The following SUMO3 variants were observed in gnomAD, a reference collection of about 807,000 sequenced individuals.
The protein encoded by SUMO3 is small ubiquitin like modifier 3, also known as small ubiquitin-related modifier 3.
A neutral mutation model predicts 11.1 loss-of-function variants in SUMO3; 2 were observed. The observed-to-expected ratio is 0.18, with a 90% CI of 0.07 to 0.57. SUMO3 has a LOEUF of 0.57. Ranked by LOEUF, SUMO3 falls within the 20% of genes least tolerant of loss-of-function variation. SUMO3 has a pLI of 0.92. For synonymous variants in SUMO3, 56 were observed against 53.5 expected, an observed-to-expected ratio of 1.05 and a Z score of -0.20; for missense variants, 70 against 132.8, an observed-to-expected ratio of 0.53 and a Z score of 2.32.
intron 2 of SUMO3, among the ~76,000 whole-genome samples, chr21:44,809,500 C>T (rs1291084893): frequency 1.3e-5 from 2 of 152,198 alleles, no homozygotes; most frequent in Non-Finnish European, 2.9e-5. Flanking sequence ...AGTTCAGTTT[C>T]AAAGCAGATA....
In SUMO3 at chr21:44,811,415, T is replaced by TA. The variant is rs2083211894; in HGVS notation, c.151-2298dup. On this transcript the variant is annotated intron_variant, in intron 2 of 3. Transcript: ENST00000332859. The surrounding 1 kb of genome is among the most constrained non-coding windows in gnomAD (Gnocchi z 5.0). ...ATAAGGAGACCCCATCTCCACAAAA[T>TA]AAAAAAATGAGCCAGGCGTGGTGGC... is the stretch of plus-strand genomic sequence containing the variant. 1.3e-5 allele frequency among the ~76,000 whole-genome samples: 2 copies of TA among 151,438 alleles called. No individual in the cohort carries two copies. The highest frequency in any genetic ancestry group is 2.4e-5 in the African/African-American group (1 of 41,146).
At chr21:44,808,511 T>C in intron 3 of SUMO3, 2 of 1,439,640 alleles carry the variant, frequency 1.4e-6, no homozygotes, top group East Asian at 2.8e-5. Flanking sequence ...CGAGACTCCG[T>C]CTCAAAAAAA....
At chr21:44,817,018 G>A (rs1483986799) in intron 1 of SUMO3, among the ~76,000 whole-genome samples, 1 of 134,490 alleles carries the variant, frequency 7.4e-6, no homozygotes, top group African/African-American at 2.9e-5. Flanking sequence ...TGGGGGACGC[G>A]ACGGGGAGGG....
intron 1 of SUMO3, among the ~76,000 whole-genome samples, chr21:44,815,470 C>T (rs1035625633): frequency 5.3e-5 from 8 of 152,188 alleles, no homozygotes; most frequent in Admixed American, 2.0e-4. Flanking sequence ...AGTGGCTTGG[C>T]GGCAGCCTGA....
In SUMO3 at chr21:44,805,817, A is replaced by G. The variant is rs2083172686; in HGVS notation, c.*1134T>C. 6.6e-6 allele frequency: 1 copy of G among 152,670 alleles called. No individual in the cohort carries two copies. Among genetic ancestry groups the G allele is most frequent in the Non-Finnish European group, 1.5e-5 (1 of 68,054 alleles). The allele number at this position is 152,670 out of a possible 1,614,324, so 9.5% of individuals were successfully genotyped here. A position where few individuals can be genotyped will look rare whatever the true frequency, so the allele number is the denominator to read the frequency against. ...TCAGGTGACTGTAAAAAGGCAGAGA[A>G]TGGCCACCAAGCAGCAATGGAGCCT... On this transcript the variant is annotated 3_prime_UTR_variant, in exon 4 of 4. Coordinates refer to ENST00000332859, the MANE Select transcript of SUMO3 (RefSeq NM_006936.3).
intron 3 of SUMO3, chr21:44,808,386 A>G (rs1003987336): frequency 2.4e-5 from 16 of 671,310 alleles, no homozygotes; most frequent in Admixed American, 1.2e-4. Context: ...GGTGGTGGGC[A>G]CCTATAGTCC....
In SUMO3 at chr21:44,807,665, C is replaced by T. The variant is rs1004751232; in HGVS notation, c.223-625G>A. On this transcript the variant is annotated intron_variant, in intron 3 of 3. Transcript: ENST00000332859. The surrounding 1 kb of genome is among the most constrained non-coding windows in gnomAD (Gnocchi z 4.3). ...AAGAGGAAGCTTCTGCCAGTTCCTA[C>T]ACAGACTCAGCAAGGCTGGAAGTAG... Among the ~76,000 whole-genome samples the T allele has an allele frequency of 2.0e-5, 3 of 152,238 alleles. No individual in the cohort carries two copies. The highest frequency in any genetic ancestry group is 7.2e-5 in the African/African-American group (3 of 41,460).
At chr21:44,808,018 T>C (rs759395348) in intron 3 of SUMO3, among the ~76,000 whole-genome samples, 3 of 152,206 alleles carry the variant, frequency 2.0e-5, no homozygotes, top group Non-Finnish European at 4.4e-5. Flanking sequence ...AGTAAATATT[T>C]AAAATCTTAA....
At position 44,810,784 on chromosome 21, in the gene SUMO3, C is replaced by T. The variant is rs1412302222; in HGVS notation, c.151-1666G>A. Reference sequence around the variant, plus strand: ...AGCTTCTCGGTGCTCCATGCTTGCACAGAAGTCAGCCTGCGTGAGAGCAGT... The same window carrying T: ...AGCTTCTCGGTGCTCCATGCTTGCATAGAAGTCAGCCTGCGTGAGAGCAGT... On this transcript the variant is annotated intron_variant, in intron 2 of 3. Coordinates refer to ENST00000332859, the MANE Select transcript of SUMO3 (RefSeq NM_006936.3). This position sits in a 1 kb window ranked among gnomAD's most constrained non-coding sequence, Gnocchi z 4.1. 6.6e-6 allele frequency among the ~76,000 whole-genome samples: 1 copy of T among 152,158 alleles called. No homozygotes were observed. The highest frequency in any genetic ancestry group is 2.4e-5 in the African/African-American group (1 of 41,430).
chr21:44,813,579 C>T (rs528792530), intron 2 of SUMO3: 49 of 544,160 alleles, frequency 9.0e-5, no homozygotes, highest in East Asian at 3.6e-4. Context: ...AGCTCATACG[C>T]GAGGACAGGG....
chr21:44,810,898 A>G lies in SUMO3; in HGVS notation c.151-1780T>C, dbSNP rs1223755992. Among the ~76,000 whole-genome samples, 1 of 151,926 alleles carries G rather than the reference A, an allele frequency of 6.6e-6. No homozygotes were observed. The highest frequency in any genetic ancestry group is 2.4e-5 in the African/African-American group (1 of 41,364). On this transcript the variant is annotated intron_variant, in intron 2 of 3. Transcript: ENST00000332859. This position sits in a 1 kb window ranked among gnomAD's most constrained non-coding sequence, Gnocchi z 4.1. ...GGAAGGAGGCAGGAGAACACTCCCAACACAGGCACACACATGCCCACACCC... is the reference window on the plus strand; with the variant it reads ...GGAAGGAGGCAGGAGAACACTCCCAGCACAGGCACACACATGCCCACACCC...
chr21:44,812,142 C>T (rs575949477), intron 2 of SUMO3, among the ~76,000 whole-genome samples: 2 of 150,370 alleles, frequency 1.3e-5, no homozygotes, highest in South Asian at 4.2e-4. Flanking sequence ...CTGCAGCCTC[C>T]ACCTCCTGGG....
In SUMO3 at chr21:44,806,857, G is replaced by T; in HGVS notation, c.*94C>A. 2 of 1,549,372 alleles carry T rather than the reference G, an allele frequency of 1.3e-6. No homozygotes were observed. Among genetic ancestry groups the T allele is most frequent in the South Asian group, 1.2e-5 (1 of 84,296 alleles). Reference sequence around the variant, plus strand: ...GAAAATCATCGTGGTGAATGTCCTCGAGTTTCCGCAGACACCTTTGTGGTC... The same window carrying T: ...GAAAATCATCGTGGTGAATGTCCTCTAGTTTCCGCAGACACCTTTGTGGTC... On this transcript the variant is annotated 3_prime_UTR_variant, in exon 4 of 4. Coordinates refer to ENST00000332859, the MANE Select transcript of SUMO3 (RefSeq NM_006936.3).
In SUMO3 at chr21:44,806,712, C is replaced by CA; in HGVS notation, c.*238dup. The CA allele has an allele frequency of 9.3e-7, 1 of 1,074,968 alleles. No individual in the cohort carries two copies. The allele number at this position is 1,074,968 out of a possible 1,614,324, so 66.6% of individuals were successfully genotyped here. A position where few individuals can be genotyped will look rare whatever the true frequency, so the allele number is the denominator to read the frequency against. ...ACAAATGAGCACACAAAAGTACCCACAATATCTTGCAACTCATTTTACCTG... is the reference window on the plus strand; with the variant it reads ...ACAAATGAGCACACAAAAGTACCCACAAATATCTTGCAACTCATTTTACCTG... On this transcript the variant is annotated 3_prime_UTR_variant, in exon 4 of 4. Coordinates refer to ENST00000332859, the MANE Select transcript of SUMO3 (RefSeq NM_006936.3).
At chr21:44,812,659 T>C (rs956209028) in intron 2 of SUMO3, among the ~76,000 whole-genome samples, 4 of 152,182 alleles carry the variant, frequency 2.6e-5, no homozygotes, top group Admixed American at 2.6e-4. Context: ...TAGAAGGATT[T>C]GAACAGGAGG....
intron 3 of SUMO3, chr21:44,808,604 C>A: frequency 2.2e-6 from 3 of 1,369,584 alleles, no homozygotes; most frequent in Non-Finnish European, 2.8e-6. Context: ...TTCATGTCTG[C>A]ATGTGCCTGA....
intron 2 of SUMO3, among the ~76,000 whole-genome samples, chr21:44,812,645 T>C (rs2083218988): frequency 1.3e-5 from 2 of 151,968 alleles, no homozygotes; most frequent in South Asian, 4.2e-4. Flanking sequence ...AGAACCCAAG[T>C]TTCTAGAAGG....
At chr21:44,816,229 G>A (rs1370839210) in intron 1 of SUMO3, among the ~76,000 whole-genome samples, 24 of 152,160 alleles carry the variant, frequency 1.6e-4, no homozygotes, top group Admixed American at 1.4e-3. Context: ...TCATTAAGAG[G>A]AAGCCACCTA....
Position 44,818,027 on chromosome 21 carries a change from A to C in SUMO3, c.-59T>G. 8.6e-7 allele frequency: 1 copy of C among 1,159,106 alleles called. No individual in the cohort carries two copies. The highest frequency in any genetic ancestry group is 1.6e-5 in the African/African-American group (1 of 61,236). The allele number at this position is 1,159,106 out of a possible 1,614,324, so 71.8% of individuals were successfully genotyped here. The stretch of plus-strand genomic sequence containing the variant: ...GGAAGCAGCGCGGAGCGGGCGAGTC[A>C]CGCTCTCGGCCCCGCCGCTCTCCCG... On this transcript the variant is annotated 5_prime_UTR_variant, in exon 1 of 4. Transcript: ENST00000332859.
Sources: allele counts gnomAD v4.1 joint callset (sites outside exome capture counted in the v4.1 genomes callset), GRCh38; gene constraint gnomAD v4.1.1; non-coding constraint Gnocchi (gnomAD v3.1); transcripts MANE v1.5; gene names NCBI Gene and HGNC (gene_info 2026-07-23, HGNC 2026-07-21).